IKBKE: variants seen among roughly 807,000 people sequenced by gnomAD.
IKBKE encodes inhibitor of nuclear factor kappa B kinase subunit epsilon.
IKBKE carries 45 observed loss-of-function variants against 92.1 expected under a neutral mutation model. The observed-to-expected ratio is 0.49, with a 90% CI of 0.38 to 0.63. IKBKE has a LOEUF of 0.63. Among genes scored for constraint, IKBKE ranks in the 20% least tolerant of loss-of-function variants. The pLI is 0.00. For missense variants in IKBKE, 700 were observed against 932.8 expected (o/e 0.75, Z 3.25); for synonymous variants, 374 against 380.3 (o/e 0.98, Z 0.19).
chr1:206,485,247 C>G lies in IKBKE; in HGVS notation c.1557C>G (p.Ser519Arg), dbSNP rs1395220205. Reference sequence around the variant, plus strand: ...AAAATATCACGGAGACCCAGGAGAGCCTGAGCAGCCTGAACCGGGAGCTGG... The same window carrying G: ...AAAATATCACGGAGACCCAGGAGAGGCTGAGCAGCCTGAACCGGGAGCTGG... The part of the protein sequence containing the change: ...CSQNITETQE[S>R]LSSLNRELVK... The change falls in exon 15 of 22, where the codon AGC becomes AGG. Residue 519 changes from serine to arginine, a missense_variant. Transcript: ENST00000581977. The surrounding 1 kb of genome is among the most constrained non-coding windows in gnomAD (Gnocchi z 5.0). The G allele has an allele frequency of 1.2e-6, 2 of 1,613,832 alleles. No individual in the cohort carries two copies. Among genetic ancestry groups the G allele is most frequent in the Non-Finnish European group, 1.7e-6 (2 of 1,179,804 alleles).
intron 2 of IKBKE, among the ~76,000 whole-genome samples, chr1:206,471,643 G>A (rs1316911344): frequency 6.6e-6 from 1 of 152,162 alleles, no homozygotes; most frequent in African/African-American, 2.4e-5. Context: ...AGCCTCAGCG[G>A]GGAAAACCAG....
rs1353347240 is a variant in IKBKE at position 206,496,379 on chromosome 1, GGCA to G, written c.*238_*240del. On this transcript the variant is annotated 3_prime_UTR_variant, in exon 22 of 22. Coordinates refer to ENST00000581977, the MANE Select transcript of IKBKE (RefSeq NM_014002.4). ...TGTTGGGACCCACAGGAAAGAGTGT[GGCA>G]GCAACTGCCTGGCTGACCTTTCTAT... The G allele has an allele frequency of 3.7e-6, 2 of 546,728 alleles. No homozygotes were observed. Among genetic ancestry groups the G allele is most frequent in the African/African-American group, 3.8e-5 (2 of 52,966 alleles). 33.9% of individuals were successfully genotyped at this position (546,728 alleles called of 1,614,324 possible). A position where few individuals can be genotyped will look rare whatever the true frequency, so the allele number is the denominator to read the frequency against.
chr1:206,475,034 C>A, intron 5 of IKBKE, 40 bp downstream of exon 5: 2 of 1,609,930 alleles, frequency 1.2e-6, no homozygotes, highest in Non-Finnish European at 1.7e-6. Context: ...CTCAGACCAG[C>A]GGCAGGCCTG....
chr1:206,482,210 C>T (rs1665440647), intron 13 of IKBKE, among the ~76,000 whole-genome samples: 1 of 152,066 alleles, frequency 6.6e-6, no homozygotes, highest in South Asian at 2.1e-4. Context: ...AAGCCACAGT[C>T]ATGATGGCAG....
chr1:206,480,064 G>A lies in IKBKE; in HGVS notation c.1291G>A (p.Ala431Thr), dbSNP rs2103463215. 1 of 1,602,974 alleles carries A rather than the reference G, an allele frequency of 6.2e-7. No homozygotes were observed. The highest frequency in any genetic ancestry group is 8.5e-7 in the Non-Finnish European group (1 of 1,175,732). The change falls in exon 12 of 22, where the codon GCC becomes ACC. Residue 431 changes from alanine (A) to threonine (T), a missense_variant. Coordinates refer to ENST00000581977, the MANE Select transcript of IKBKE (RefSeq NM_014002.4). Reference sequence around the variant, plus strand: ...CTACCAGGCCCTGCGGCTGGCACGGGCCCTGCTGGATGGGCAGGAGCTAAT... The same window carrying A: ...CTACCAGGCCCTGCGGCTGGCACGGACCCTGCTGGATGGGCAGGAGCTAAT... ...AGYQALRLARALLDGQELMFR... is the reference protein window; with the variant it reads ...AGYQALRLARTLLDGQELMFR...
Position 206,476,838 on chromosome 1 carries a change from T to C in IKBKE, c.701T>C (p.Met234Thr), listed in dbSNP as rs1404338780. The change falls in exon 7 of 22, where the codon ATG becomes ACG. Residue 234 changes from methionine to threonine, a missense_variant and splice_region_variant. By Grantham distance (81) the Met-to-Thr change is moderately conservative (BLOSUM62 -1). Coordinates refer to ENST00000581977, the MANE Select transcript of IKBKE (RefSeq NM_014002.4). This position sits in a 1 kb window ranked among gnomAD's most constrained non-coding sequence, Gnocchi z 5.1. Reference protein sequence around the residue: ...FGGPRRNKEIMYRITTEKPAG... With the variant: ...FGGPRRNKEITYRITTEKPAG... The stretch of plus-strand genomic sequence containing the variant: ...GGGCCACGGCGGAACAAGGAGATCA[T>C]GTACGGTGGGCCACAGGGCAGGGAA... 3.7e-6 allele frequency: 6 copies of C among 1,614,054 alleles called. No individual in the cohort carries two copies. Among genetic ancestry groups the C allele is most frequent in the Admixed American group, 1.7e-5 (1 of 60,012 alleles).
chr1:206,481,461 G>T (rs1665385735), intron 13 of IKBKE, among the ~76,000 whole-genome samples: 1 of 152,232 alleles, frequency 6.6e-6, no homozygotes, highest in Non-Finnish European at 1.5e-5. Flanking sequence ...GGAGCAGGGA[G>T]GAGGAAGAGG....
At chr1:206,479,630 T>C (rs1171907476) in intron 10 of IKBKE, among the ~76,000 whole-genome samples, 2 of 152,154 alleles carry the variant, frequency 1.3e-5, no homozygotes, top group Non-Finnish European at 2.9e-5. Context: ...AAGAGGGTGA[T>C]TTAGTCCATT....
chr1:206,485,907 C>T lies in IKBKE; in HGVS notation c.1616+601C>T, dbSNP rs974847571. Among the ~76,000 whole-genome samples the T allele has an allele frequency of 2.6e-5, 4 of 152,194 alleles. No individual in the cohort carries two copies. Among genetic ancestry groups the T allele is most frequent in the African/African-American group, 4.8e-5 (2 of 41,452 alleles). ...CAGGCCCCAGCTGACTGTGGGGAGC[C>T]GCTGCCTACCTTGCCGCTTCTGACC... On this transcript the variant is annotated intron_variant, in intron 15 of 21. Transcript: ENST00000581977. The surrounding 1 kb of genome is among the most constrained non-coding windows in gnomAD (Gnocchi z 5.0).
chr1:206,480,319 C>T (rs1317805338), intron 12 of IKBKE, 128 bp from the exon 13 acceptor site: 14 of 346,008 alleles, frequency 4.0e-5, no homozygotes, highest in African/African-American at 3.1e-4. Context: ...GGAGGCAGGC[C>T]GGAGGGGGAG....
intron 7 of IKBKE, 106 bp from the exon 8 acceptor site, chr1:206,477,643 T>C: frequency 1.5e-6 from 1 of 661,762 alleles, no homozygotes; most frequent in Non-Finnish European, 2.6e-6. Flanking sequence ...TACTTTGGGG[T>C]AGCTGGGTGA....
intron 2 of IKBKE, among the ~76,000 whole-genome samples, chr1:206,472,256 A>T (rs1423274251): frequency 1.3e-5 from 2 of 151,998 alleles, no homozygotes; most frequent in Admixed American, 1.3e-4. Flanking sequence ...ACGTCAAAAT[A>T]AAAAAAAGAA....
intron 15 of IKBKE, among the ~76,000 whole-genome samples, chr1:206,486,482 G>A (rs1665668904): frequency 6.6e-6 from 1 of 150,848 alleles, no homozygotes. Context: ...TGAAGGCTGT[G>A]GATCGAGGCC....
At chr1:206,492,233 TA>T in intron 18 of IKBKE, 1 of 358,668 alleles carries the variant, frequency 2.8e-6, no homozygotes, top group South Asian at 2.1e-5. Context: ...GGCCCTTAAG[TA>T]GAACCTTCTG....
intron 20 of IKBKE, 44 bp downstream of exon 20, chr1:206,493,422 G>C (rs1666055865): frequency 3.5e-6 from 5 of 1,424,176 alleles, no homozygotes; most frequent in Non-Finnish European, 4.0e-6. Flanking sequence ...TGTGGAAGGG[G>C]GTTGCAGGGA....
rs1665946020 is a variant in IKBKE, at chr1:206,491,377, A to G, written c.1734-271A>G. The G allele has an allele frequency of 9.6e-6, 4 of 415,176 alleles. 1 individual carries two copies. The highest frequency in any genetic ancestry group is 7.4e-4 in the Middle Eastern group (1 of 1,360). The allele number at this position is 415,176 out of a possible 1,614,324, so 25.7% of individuals were successfully genotyped here. A position where few individuals can be genotyped will look rare whatever the true frequency, so the allele number is the denominator to read the frequency against. Reference sequence around the variant, plus strand: ...TCACTTTCCCTTCCCTTTCCTGAGGACTAAGCTTGAGCACATGTGTGTTCC... The same window carrying G: ...TCACTTTCCCTTCCCTTTCCTGAGGGCTAAGCTTGAGCACATGTGTGTTCC... On this transcript the variant is annotated intron_variant, in intron 17 of 21. Transcript: ENST00000581977.
chr1:206,474,375 C>A lies in IKBKE; in HGVS notation c.132C>A (p.Ser44Arg). The A allele has an allele frequency of 6.2e-7, 1 of 1,613,936 alleles. No individual in the cohort carries two copies. Among genetic ancestry groups the A allele is most frequent in the Non-Finnish European group, 8.5e-7 (1 of 1,179,772 alleles). ...CTGTGAAGGTCTTCAACACTACCAG[C>A]TACCTGCGGCCCCGCGAGGTGCAGG... Reference protein sequence around the residue: ...LVAVKVFNTTSYLRPREVQVR... With the variant: ...LVAVKVFNTTRYLRPREVQVR... The change falls in exon 4 of 22, where the codon AGC becomes AGA. Residue 44 changes from serine (S) to arginine (R), a missense_variant. Physicochemically the swap from Ser to Arg is moderately radical, Grantham distance 110. Transcript: ENST00000581977.
intron 2 of IKBKE, 200 bp from the exon 3 acceptor site, chr1:206,472,996 C>T: frequency 1.9e-6 from 1 of 530,264 alleles, no homozygotes. Flanking sequence ...TCAGTGGGGG[C>T]CCTCTTGTTG....
At chr1:206,492,647 C>A (rs1666009917) in intron 18 of IKBKE, 1 of 486,530 alleles carries the variant, frequency 2.1e-6, no homozygotes, top group Non-Finnish European at 4.2e-6. Context: ...AGAGAATTCA[C>A]ACTGGAAATG....
Sources: gnomAD v4.1 joint callset for allele counts (sites outside exome capture counted in the v4.1 genomes callset) on GRCh38, gnomAD v4.1.1 for gene constraint, Gnocchi (gnomAD v3.1) non-coding constraint, MANE v1.5 for transcripts, NCBI Gene and HGNC (gene_info 2026-07-23, HGNC 2026-07-21) for gene names.